PPARGC1A: variants seen among roughly 807,000 people sequenced by gnomAD.
PPARGC1A encodes PPARG coactivator 1 alpha.
Under a neutral mutation model 88.7 loss-of-function variants are expected in PPARGC1A, and 25 were observed. The ratio of observed to expected loss-of-function variants is 0.28; its 90% CI spans 0.21 to 0.39. The LOEUF is 0.39. Ranked by LOEUF, PPARGC1A falls within the 10% of genes least tolerant of loss-of-function variation. The pLI, the probability that PPARGC1A is intolerant of heterozygous loss-of-function variation, is 1.00. For synonymous variants in PPARGC1A, 363 were observed against 355.6 expected (o/e 1.02, Z -0.24); for missense variants, 880 against 968.7 (o/e 0.91, Z 1.22).
At chr4:24,387,911 A>G in the PPARGC1A span, among the ~76,000 whole-genome samples, 1 of 9,504 alleles carries the variant, frequency 1.1e-4, no homozygotes, top group Non-Finnish European at 3.1e-3. Flanking sequence ...AAAGAGAAAG[A>G]AAGAAAGAAA....
the PPARGC1A span, among the ~76,000 whole-genome samples, chr4:23,919,410 G>A: frequency 6.6e-6 from 1 of 151,850 alleles, no homozygotes; most frequent in Non-Finnish European, 1.5e-5. Context: ...CTAAAATATA[G>A]AGATGGCAAC....
At chr4:24,170,372 A>C in the PPARGC1A span, among the ~76,000 whole-genome samples, 1 of 152,232 alleles carries the variant, frequency 6.6e-6, no homozygotes, top group Admixed American at 6.5e-5. Flanking sequence ...TGTACTATAA[A>C]GTATCTGTTG....
At chr4:24,133,250 T>C in the PPARGC1A span, among the ~76,000 whole-genome samples, 2 of 152,154 alleles carry the variant, frequency 1.3e-5, no homozygotes, top group African/African-American at 4.8e-5. Flanking sequence ...AGTGCCTCCA[T>C]CTGAATGCAG....
the PPARGC1A span, among the ~76,000 whole-genome samples, chr4:24,215,335 G>A: frequency 6.6e-6 from 1 of 152,172 alleles, no homozygotes; most frequent in Non-Finnish European, 1.5e-5. Context: ...TATGCTTTAT[G>A]TGATCAGCTT....
chr4:24,383,429 G>A, the PPARGC1A span, among the ~76,000 whole-genome samples: 5 of 152,010 alleles, frequency 3.3e-5, no homozygotes, highest in African/African-American at 7.2e-5. Context: ...AAACTCCTCC[G>A]AGCTAAAGGA....
chr4:24,216,145 T>C, the PPARGC1A span, among the ~76,000 whole-genome samples: 18 of 8,538 alleles, frequency 2.1e-3, no homozygotes, highest in Non-Finnish European at 0.01. Context: ...GCTAACTCTT[T>C]TTTTTTTTTT....
chr4:24,098,366 T>A, the PPARGC1A span, among the ~76,000 whole-genome samples: 1 of 152,226 alleles, frequency 6.6e-6, no homozygotes, highest in African/African-American at 2.4e-5. Flanking sequence ...TAAGCAAAAG[T>A]CAAATGTTTT....
the PPARGC1A span, among the ~76,000 whole-genome samples, chr4:24,294,838 A>G: frequency 6.6e-6 from 1 of 152,254 alleles, no homozygotes; most frequent in Non-Finnish European, 1.5e-5. Flanking sequence ...AATCGTATCC[A>G]TAACTCTGGG....
the PPARGC1A span, among the ~76,000 whole-genome samples, chr4:24,044,731 C>T: frequency 6.6e-6 from 1 of 152,178 alleles, no homozygotes; most frequent in African/African-American, 2.4e-5. Flanking sequence ...CACCAGAGCA[C>T]AGGGCACCCA....
chr4:23,813,656 C>T (rs1244063524), intron 8 of PPARGC1A, 34 bp downstream of exon 8: 2 of 1,461,984 alleles, frequency 1.4e-6, no homozygotes, highest in Non-Finnish European at 1.9e-6. Flanking sequence ...CTTAGGAACA[C>T]CTTTTGTGTT....
intron 1 of PPARGC1A, chr4:23,889,169 A>G: frequency 2.0e-6 from 2 of 985,368 alleles, no homozygotes; most frequent in African/African-American, 3.5e-5. Context: ...GAGCAGCTCC[A>G]CACACAGTCC....
the PPARGC1A span, among the ~76,000 whole-genome samples, chr4:23,917,757 G>C: frequency 6.6e-5 from 10 of 152,186 alleles, no homozygotes; most frequent in Admixed American, 6.5e-4. Flanking sequence ...CTCATTGATT[G>C]ATAACTAAAA....
At chr4:23,853,496 A>G (rs1313427607) in intron 2 of PPARGC1A, among the ~76,000 whole-genome samples, 1 of 152,182 alleles carries the variant, frequency 6.6e-6, no homozygotes. Context: ...TACAAGAGGA[A>G]TCTCAAATTT....
chr4:24,324,524 T>G, the PPARGC1A span, among the ~76,000 whole-genome samples: 3 of 152,256 alleles, frequency 2.0e-5, no homozygotes, highest in South Asian at 6.2e-4. Flanking sequence ...TCCCTTAGCC[T>G]GTGTTCTCAA....
the PPARGC1A span, among the ~76,000 whole-genome samples, chr4:24,162,127 C>T: frequency 6.6e-6 from 1 of 152,076 alleles, no homozygotes; most frequent in African/African-American, 2.4e-5. Flanking sequence ...GAAAACCAAA[C>T]ATCGTATATT....
At chr4:24,220,444 T>G in the PPARGC1A span, among the ~76,000 whole-genome samples, 1 of 152,294 alleles carries the variant, frequency 6.6e-6, no homozygotes, top group East Asian at 1.9e-4. Context: ...GCAGCACTAT[T>G]CACAATAGCA....
At chr4:23,838,740 T>C (rs1056932023) in intron 2 of PPARGC1A, among the ~76,000 whole-genome samples, 3 of 152,114 alleles carry the variant, frequency 2.0e-5, no homozygotes, top group Admixed American at 6.5e-5. Flanking sequence ...TCTGAGTAAC[T>C]CCCCATGGGC....
chr4:23,840,945 T>C (rs1726954643), intron 2 of PPARGC1A, among the ~76,000 whole-genome samples: 1 of 152,188 alleles, frequency 6.6e-6, no homozygotes, highest in South Asian at 2.1e-4. Context: ...GCAAGTGATA[T>C]ATTCTTAGTG....
chr4:24,075,096 C>G, the PPARGC1A span, among the ~76,000 whole-genome samples: 2 of 152,174 alleles, frequency 1.3e-5, no homozygotes, highest in African/African-American at 4.8e-5. Flanking sequence ...ATTCTACACC[C>G]TTTGCAGAAA....
Sources: allele counts gnomAD v4.1 joint callset (sites outside exome capture counted in the v4.1 genomes callset), GRCh38; gene constraint gnomAD v4.1.1; transcripts MANE v1.5; gene names NCBI Gene and HGNC (gene_info 2026-07-23, HGNC 2026-07-21).